NCOA3: variants seen among roughly 807,000 people sequenced by gnomAD.
NCOA3 encodes the protein nuclear receptor coactivator 3.
In NCOA3, 51 loss-of-function variants were observed where a neutral mutation model predicts 158.8. That is an observed-to-expected ratio of 0.32 (90% CI 0.26 to 0.41). NCOA3 has a LOEUF of 0.41. NCOA3 is among the 10% of genes least tolerant of loss of function. NCOA3 has a pLI of 1.00. For missense variants in NCOA3, 1,510 were observed against 1,746.6 expected (o/e 0.86, Z 2.41); for synonymous variants, 537 against 592.4 (o/e 0.91, Z 1.36).
chr20:47,536,771 A>G (rs2084639968), intron 1 of NCOA3, among the ~76,000 whole-genome samples: 1 of 149,446 alleles, frequency 6.7e-6, no homozygotes, highest in Admixed American at 6.7e-5. Context: ...GATTACAGGT[A>G]TGAAGCCATT....
At position 47,647,098 on chromosome 20, in the gene NCOA3, A is replaced by T. The variant is rs1222667905; in HGVS notation, c.3278A>T (p.Asp1093Val). 1 of 1,614,046 alleles carries T rather than the reference A, an allele frequency of 6.2e-7. No homozygotes were observed. The highest frequency in any genetic ancestry group is 1.7e-5 in the Admixed American group (1 of 60,020). Residue 1093 changes from aspartate to valine, a missense_variant, in exon 18 of 23, where the codon GAT becomes GTT. This residue lies in a region of NCOA3 where 1,017 missense variants were observed against 1,098.3 expected (regional missense o/e 0.93). Transcript: ENST00000371998. Reference sequence around the variant, plus strand: ...GGACAGGCATTAGAGCCCAAACAGGATGCTTTCCAAGGCCAAGAAGCAGCA... The same window carrying T: ...GGACAGGCATTAGAGCCCAAACAGGTTGCTTTCCAAGGCCAAGAAGCAGCA... ...NQGQALEPKQDAFQGQEAAVM... is the reference protein window; with the variant it reads ...NQGQALEPKQVAFQGQEAAVM...
At chr20:47,583,064 G>T in intron 1 of NCOA3, 119 bp from the exon 2 acceptor site, 1 of 392,718 alleles carries the variant, frequency 2.5e-6, no homozygotes, top group Non-Finnish European at 4.5e-6. Context: ...AAAGTGCTGG[G>T]ATTACAGGCG....
intron 1 of NCOA3, among the ~76,000 whole-genome samples, chr20:47,562,704 GC>G (rs1176424749): frequency 6.6e-6 from 1 of 152,086 alleles, no homozygotes; most frequent in Non-Finnish European, 1.5e-5. Context: ...GATTATAAAA[GC>G]ATAGCAATCA....
rs1402112602 is a variant in NCOA3 at position 47,656,257 on chromosome 20, T to C, written c.*2840T>C. The C allele has an allele frequency of 6.6e-6, 1 of 152,134 alleles. No homozygotes were observed. Among genetic ancestry groups the C allele is most frequent in the Admixed American group, 6.5e-5 (1 of 15,272 alleles). 9.4% of individuals were successfully genotyped at this position (152,134 alleles called of 1,614,324 possible). A position where few individuals can be genotyped will look rare whatever the true frequency, so the allele number is the denominator to read the frequency against. ...TAAACGGAAGTTACATTGTTAATGT[T>C]CATATTATGATGCCACTTTTCTAAA... On this transcript the variant is annotated 3_prime_UTR_variant, in exon 23 of 23. Coordinates refer to ENST00000371998, the MANE Select transcript of NCOA3 (RefSeq NM_181659.3).
intron 2 of NCOA3, among the ~76,000 whole-genome samples, chr20:47,610,684 G>T (rs138572027): frequency 6.6e-6 from 1 of 152,170 alleles, no homozygotes; most frequent in Admixed American, 6.5e-5. Context: ...TTGCCGTGTC[G>T]TGTTGCTAGA....
intron 2 of NCOA3, among the ~76,000 whole-genome samples, chr20:47,606,777 G>T (rs1229996890): frequency 6.6e-6 from 1 of 152,196 alleles, no homozygotes; most frequent in Non-Finnish European, 1.5e-5. Context: ...TTGAGTCTTG[G>T]TTATTTGGAG....
chr20:47,531,151 C>T (rs1156731799), intron 1 of NCOA3, among the ~76,000 whole-genome samples: 1 of 152,036 alleles, frequency 6.6e-6, no homozygotes, highest in African/African-American at 2.4e-5. Context: ...TCAGCCTGGC[C>T]AACGTGGTGA....
At chr20:47,593,054 C>T (rs1380168518) in intron 2 of NCOA3, among the ~76,000 whole-genome samples, 2 of 152,074 alleles carry the variant, frequency 1.3e-5, no homozygotes, top group Non-Finnish European at 2.9e-5. Context: ...CTGCCTCAGC[C>T]TCTCAAGTAG....
intron 1 of NCOA3, among the ~76,000 whole-genome samples, chr20:47,546,029 G>A (rs1237579976): frequency 2.0e-5 from 3 of 152,020 alleles, no homozygotes; most frequent in Admixed American, 6.6e-5. Flanking sequence ...TATTGTTTAT[G>A]TGAGATAAAC....
intron 2 of NCOA3, among the ~76,000 whole-genome samples, chr20:47,593,271 A>G (rs1602453044): frequency 6.7e-6 from 1 of 148,524 alleles, no homozygotes; most frequent in Admixed American, 6.8e-5. Flanking sequence ...GGAATCCCAG[A>G]CTGCGGTATC....
Position 47,524,910 on chromosome 20 carries a change from A to G in NCOA3, c.-99+22891A>G, listed in dbSNP as rs144072525. Among the ~76,000 whole-genome samples the G allele has an allele frequency of 1.4e-4, 21 of 151,798 alleles. No individual in the cohort carries two copies. In the East Asian group the frequency reaches 3.9e-3, roughly 28 times the overall value. On this transcript the variant is annotated intron_variant, in intron 1 of 22. Transcript: ENST00000371998. ...ATGTCCAGCTAATTTTTGTATTTCT[A>G]TTTTATTTTATTTATTTATTTATTT... is the stretch of plus-strand genomic sequence containing the variant.
chr20:47,515,275 G>C lies in NCOA3; in HGVS notation c.-99+13256G>C, dbSNP rs545995570. Among the ~76,000 whole-genome samples the C allele has an allele frequency of 4.0e-5, 6 of 151,488 alleles. No homozygotes were observed. The East Asian group carries it at 1.2e-3, about 29-fold the overall frequency. ...CCTCCTGAGTTCAAACAATTCTCCT[G>C]CCTCAGCCTCCCCAGTAGCTGGGAC... is the stretch of plus-strand genomic sequence containing the variant. On this transcript the variant is annotated intron_variant, in intron 1 of 22. Transcript: ENST00000371998.
At chr20:47,511,554 T>TATATATATATATACACACACACATAC (rs1231372303) in intron 1 of NCOA3, among the ~76,000 whole-genome samples, 2 of 31,068 alleles carry the variant, frequency 6.4e-5, no homozygotes, top group Admixed American at 5.3e-4. Flanking sequence ...TATATATATA[T>TATATATATATATACACACACACATAC]ATTTCTTTTT....
rs914242484 is a variant in NCOA3, at chr20:47,654,848, CTGTGTG to C, written c.*1441_*1446del. ...GTCCGAAATAATAGCAATTCATGGGCTGTGTGTGTGTGTGTATGTGTGTGTGTGTGT... is the reference window on the plus strand; with the variant it reads ...GTCCGAAATAATAGCAATTCATGGGCTGTGTGTGTATGTGTGTGTGTGTGT... On this transcript the variant is annotated 3_prime_UTR_variant, in exon 23 of 23. Coordinates refer to ENST00000371998, the MANE Select transcript of NCOA3 (RefSeq NM_181659.3). 5 of 146,638 alleles carry C rather than the reference CTGTGTG, an allele frequency of 3.4e-5. No homozygotes were observed. Among genetic ancestry groups the C allele is most frequent in the African/African-American group, 1.3e-4 (5 of 38,420 alleles). 9.1% of individuals were successfully genotyped at this position (146,638 alleles called of 1,614,324 possible).
At chr20:47,521,785 G>A (rs1162185615) in intron 1 of NCOA3, among the ~76,000 whole-genome samples, 2 of 152,136 alleles carry the variant, frequency 1.3e-5, no homozygotes, top group Non-Finnish European at 2.9e-5. Flanking sequence ...CCAACACTCA[G>A]GCACCATACC....
chr20:47,599,918 C>T (rs1343951677), intron 2 of NCOA3, among the ~76,000 whole-genome samples: 1 of 152,130 alleles, frequency 6.6e-6, no homozygotes, highest in Non-Finnish European at 1.5e-5. Context: ...TTATGGCTAT[C>T]TTGCGCAATG....
In NCOA3 at chr20:47,651,091, A is replaced by AGC. The variant is rs1381100775; in HGVS notation, c.3761_3762insGC (p.Gln1255HisfsTer33). On this transcript the variant is annotated frameshift_variant, in exon 20 of 23. Coordinates refer to ENST00000371998, the MANE Select transcript of NCOA3 (RefSeq NM_181659.3). LOFTEE classifies it high-confidence loss of function. ...ATGATGCAGCAGCAGCAGCAGCAGC[A>AGC]ACAGCAGCAGCAGCAGCAGCAGCAG... The AGC allele has an allele frequency of 1.1e-5, 16 of 1,392,348 alleles. No individual in the cohort carries two copies. Among genetic ancestry groups the AGC allele is most frequent in the African/African-American group, 8.7e-5 (6 of 68,970 alleles). 86.2% of individuals were successfully genotyped at this position (1,392,348 alleles called of 1,614,324 possible). A position where few individuals can be genotyped will look rare whatever the true frequency, so the allele number is the denominator to read the frequency against.
At chr20:47,531,730 C>T (rs1033646446) in intron 1 of NCOA3, among the ~76,000 whole-genome samples, 6 of 152,218 alleles carry the variant, frequency 3.9e-5, no homozygotes, top group African/African-American at 1.4e-4. Context: ...CAGTCTGCAA[C>T]TGTCTTATCC....
At chr20:47,561,889 C>G (rs2085112179) in intron 1 of NCOA3, among the ~76,000 whole-genome samples, 1 of 151,984 alleles carries the variant, frequency 6.6e-6, no homozygotes, top group Admixed American at 6.6e-5. Flanking sequence ...GTTTCACTAC[C>G]CTAAAAAATC....
Sources: allele counts gnomAD v4.1 joint callset (sites outside exome capture counted in the v4.1 genomes callset), GRCh38; gene constraint gnomAD v4.1.1; regional missense constraint gnomAD v4.1.1; transcripts MANE v1.5; gene names NCBI Gene and HGNC (gene_info 2026-07-23, HGNC 2026-07-21).